Variants in NANOG observed in about 807,000 individuals in gnomAD.
The protein encoded by NANOG is homeobox protein NANOG.
Under a neutral mutation model 17.7 loss-of-function variants are expected in NANOG, and 2 were observed. The ratio of observed to expected loss-of-function variants is 0.11; its 90% CI spans 0.05 to 0.36. NANOG has a LOEUF of 0.36. Among genes scored for constraint, NANOG ranks in the 10% least tolerant of loss-of-function variants. The probability of loss-of-function intolerance (pLI) is 1.00; values close to 1 mark genes in which losing one functional copy is unlikely to be tolerated. For missense variants in NANOG, 174 were observed against 362.1 expected (o/e 0.48, Z 4.22); for synonymous variants, 81 against 124.7 (o/e 0.65, Z 2.33).
At position 7,789,553 on chromosome 12, in the gene NANOG, C is replaced by T. The variant is rs763180063; in HGVS notation, c.-62C>T. Reference sequence around the variant, plus strand: ...AACATCTTCCAGAAAAGTCTTAAAGCTGCCTTAACCTTTTTTCCAGTCCAC... The same window carrying T: ...AACATCTTCCAGAAAAGTCTTAAAGTTGCCTTAACCTTTTTTCCAGTCCAC... On this transcript the variant is annotated 5_prime_UTR_variant, in exon 1 of 4. Coordinates refer to ENST00000229307, the MANE Select transcript of NANOG (RefSeq NM_024865.4). 4 of 1,475,964 alleles carry T rather than the reference C, an allele frequency of 2.7e-6. No individual in the cohort carries two copies. The highest frequency in any genetic ancestry group is 2.3e-5 in the South Asian group (2 of 86,504). The allele number at this position is 1,475,964 out of a possible 1,614,324, so 91.4% of individuals were successfully genotyped here.
Position 7,789,522 on chromosome 12 carries a change from T to C in NANOG, c.-93T>C, listed in dbSNP as rs1862804478. 1 of 1,149,168 alleles carries C rather than the reference T, an allele frequency of 8.7e-7. No homozygotes were observed. The highest frequency in any genetic ancestry group is 1.3e-6 in the Non-Finnish European group (1 of 790,280). 71.2% of individuals were successfully genotyped at this position (1,149,168 alleles called of 1,614,324 possible). On this transcript the variant is annotated 5_prime_UTR_variant, in exon 1 of 4. Coordinates refer to ENST00000229307, the MANE Select transcript of NANOG (RefSeq NM_024865.4). ...ATACTTTTCCTTCTGGAGGTCCTATTTCTCTAACATCTTCCAGAAAAGTCT... is the reference window on the plus strand; with the variant it reads ...ATACTTTTCCTTCTGGAGGTCCTATCTCTCTAACATCTTCCAGAAAAGTCT...
At chr12:7,793,350 T>C in intron 2 of NANOG, 138 bp downstream of exon 2, 1 of 749,232 alleles carries the variant, frequency 1.3e-6, no homozygotes, top group East Asian at 2.7e-5. Context: ...GAAGATGAAA[T>C]GCTTTTGTAA....
At position 7,796,322 on chromosome 12, in the gene NANOG, A is replaced by G. The variant is rs1862929781; in HGVS notation, c.*1227A>G. The stretch of plus-strand genomic sequence containing the variant: ...AAATAAATAAGTAAATAAATGAATA[A>G]TAAATAAATATGCCAGTTTTAGAAT... On this transcript the variant is annotated 3_prime_UTR_variant, in exon 4 of 4. Coordinates refer to ENST00000229307, the MANE Select transcript of NANOG (RefSeq NM_024865.4). 1 of 146,168 alleles carries G rather than the reference A, an allele frequency of 6.8e-6. No homozygotes were observed. Among genetic ancestry groups the G allele is most frequent in the Non-Finnish European group, 1.5e-5 (1 of 67,380 alleles). 9.1% of individuals were successfully genotyped at this position (146,168 alleles called of 1,614,324 possible).
intron 2 of NANOG, among the ~76,000 whole-genome samples, chr12:7,793,965 C>G (rs986184657): frequency 1.3e-5 from 2 of 152,106 alleles, no homozygotes; most frequent in Non-Finnish European, 2.9e-5. Context: ...GGCTGGTTTT[C>G]AACTCCTGAC....
rs1197945044 is a variant in NANOG, at chr12:7,793,854, G to A, written c.415-603G>A. 3.3e-5 allele frequency among the ~76,000 whole-genome samples: 5 copies of A among 152,146 alleles called. No individual in the cohort carries two copies. In the East Asian group the frequency reaches 5.8e-4, roughly 18 times the overall value. The stretch of plus-strand genomic sequence containing the variant: ...CCTCCTGGGTTCAAGGGATTCTCCT[G>A]CCTCAGCCTCCCAAGTAGCTGGGAT... On this transcript the variant is annotated intron_variant, in intron 2 of 3. Coordinates refer to ENST00000229307, the MANE Select transcript of NANOG (RefSeq NM_024865.4).
At chr12:7,793,891 G>A (rs12423089) in intron 2 of NANOG, among the ~76,000 whole-genome samples, 74,748 of 151,416 alleles carry the variant, frequency 0.49, 19,926 homozygotes, top group Non-Finnish European at 0.58. Flanking sequence ...ACAGGCGCCC[G>A]CCACTACACC....
chr12:7,791,114 T>C (rs1272301140), intron 1 of NANOG, among the ~76,000 whole-genome samples: 6 of 37,984 alleles, frequency 1.6e-4, no homozygotes, highest in African/African-American at 1.0e-3. Context: ...TCTTTCTTTC[T>C]TTTTTTTTTT....
chr12:7,791,648 G>A (rs1370202018), intron 1 of NANOG, among the ~76,000 whole-genome samples: 1 of 152,080 alleles, frequency 6.6e-6, no homozygotes, highest in Non-Finnish European at 1.5e-5. Context: ...TGAACACTGG[G>A]AAAACCGCAG....
At chr12:7,794,631 T>C (rs1362778064) in intron 3 of NANOG, 48 bp from the exon 4 acceptor site, 1 of 1,611,004 alleles carries the variant, frequency 6.2e-7, no homozygotes, top group Non-Finnish European at 8.5e-7. Context: ...TCACAGACAG[T>C]TCTGGTTGTC....
chr12:7,795,420 C>A lies in NANOG; in HGVS notation c.*325C>A. 1 of 335,846 alleles carries A rather than the reference C, an allele frequency of 3.0e-6. No homozygotes were observed. The highest frequency in any genetic ancestry group is 5.6e-6 in the Non-Finnish European group (1 of 178,454). 20.8% of individuals were successfully genotyped at this position (335,846 alleles called of 1,614,324 possible). On this transcript the variant is annotated 3_prime_UTR_variant, in exon 4 of 4. Coordinates refer to ENST00000229307, the MANE Select transcript of NANOG (RefSeq NM_024865.4). ...CACTGCAAGCTCCGTCTCCCGGGTT[C>A]ACGCCATTCTCCTGCCTCAGCCTCC...
Position 7,793,010 on chromosome 12 carries a change from G to A in NANOG, c.212G>A (p.Ser71Asn), listed in dbSNP as rs199844601. Residue 71 changes from serine to asparagine, a missense_variant, in exon 2 of 4, where the codon AGT (serine) becomes AAT (asparagine). Physicochemically the swap from Ser to Asn is conservative, Grantham distance 46. This residue lies in a region of NANOG where 158 missense variants were observed against 244.2 expected (regional missense o/e 0.65). Coordinates refer to ENST00000229307, the MANE Select transcript of NANOG (RefSeq NM_024865.4). The part of the protein sequence containing the change: ...LIQDSPDSST[S>N]PKGKQPTSAE... Reference sequence around the variant, plus strand: ...CAGGACAGCCCTGATTCTTCCACCAGTCCCAAAGGCAAACAACCCACTTCT... The same window carrying A: ...CAGGACAGCCCTGATTCTTCCACCAATCCCAAAGGCAAACAACCCACTTCT... The A allele has an allele frequency of 1.1e-5, 18 of 1,609,174 alleles. No individual in the cohort carries two copies. Among genetic ancestry groups the A allele is most frequent in the African/African-American group, 2.7e-5 (2 of 74,766 alleles).
intron 2 of NANOG, among the ~76,000 whole-genome samples, chr12:7,794,044 C>A (rs904865209): frequency 6.6e-6 from 1 of 152,112 alleles, no homozygotes; most frequent in African/African-American, 2.4e-5. Context: ...CACACCCGGC[C>A]CTTGCCTTTA....
rs746955735 is a variant in NANOG, at chr12:7,797,828, T to A, written c.*2733T>A. ...ACCACCATGCCAGCTAACTTTTGTG[T>A]TTTTAGGAGAGACGGGGTTTCCCCA... On this transcript the variant is annotated 3_prime_UTR_variant, in exon 4 of 4. Coordinates refer to ENST00000229307, the MANE Select transcript of NANOG (RefSeq NM_024865.4). The A allele has an allele frequency of 7.2e-5, 11 of 152,214 alleles. No homozygotes were observed. The highest frequency in any genetic ancestry group is 2.4e-4 in the African/African-American group (10 of 41,526). 9.4% of individuals were successfully genotyped at this position (152,214 alleles called of 1,614,324 possible).
chr12:7,790,467 G>A (rs776038554), intron 1 of NANOG, among the ~76,000 whole-genome samples: 1 of 152,236 alleles, frequency 6.6e-6, no homozygotes, highest in South Asian at 2.1e-4. Context: ...TTCAAAACCT[G>A]TGCTAGTACT....
rs1565478881 is a variant in NANOG, at chr12:7,797,176, T to C, written c.*2081T>C. 6.6e-6 allele frequency: 1 copy of C among 152,210 alleles called. No individual in the cohort carries two copies. Among genetic ancestry groups the C allele is most frequent in the Non-Finnish European group, 1.5e-5 (1 of 68,130 alleles). 9.4% of individuals were successfully genotyped at this position (152,210 alleles called of 1,614,324 possible). A position where few individuals can be genotyped will look rare whatever the true frequency, so the allele number is the denominator to read the frequency against. ...TTCGAGCAATTCTCCTGCGTCAGCC[T>C]CCTAAGTAGCTGGGATTACAGGCAC... On this transcript the variant is annotated 3_prime_UTR_variant, in exon 4 of 4. Coordinates refer to ENST00000229307, the MANE Select transcript of NANOG (RefSeq NM_024865.4).
In NANOG at chr12:7,793,041, G is replaced by C; in HGVS notation, c.243G>C (p.Glu81Asp). 1.2e-6 allele frequency: 2 copies of C among 1,609,804 alleles called. No individual in the cohort carries two copies. Among genetic ancestry groups the C allele is most frequent in the African/African-American group, 2.7e-5 (2 of 74,938 alleles). Residue 81 changes from glutamate (E) to aspartate (D), a missense_variant, in exon 2 of 4, where the codon GAG becomes GAC. Glu to Asp is a conservative substitution (Grantham distance 45). Around this residue, in one of 2 missense-constraint regions of NANOG, gnomAD observed 158 missense variants for 244.2 expected, o/e 0.65. Coordinates refer to ENST00000229307, the MANE Select transcript of NANOG (RefSeq NM_024865.4). ...AAGGCAAACAACCCACTTCTGCAGA[G>C]AAGAGTGTCGCAAAAAAGGAAGACA... is the stretch of plus-strand genomic sequence containing the variant. ...SPKGKQPTSA[E>D]KSVAKKEDKV... is the part of the protein sequence containing the mutation.
In NANOG at chr12:7,795,672, T is replaced by C. The variant is rs961663922; in HGVS notation, c.*577T>C. 1 of 131,292 alleles carries C rather than the reference T, an allele frequency of 7.6e-6. No homozygotes were observed. Among genetic ancestry groups the C allele is most frequent in the Non-Finnish European group, 1.7e-5 (1 of 58,308 alleles). The allele number at this position is 131,292 out of a possible 1,614,324, so 8.1% of individuals were successfully genotyped here. ...GCTGCCGTCTCTGGCTATAGATAAG[T>C]AGATCTAATACTAGTTTGGATATCT... is the stretch of plus-strand genomic sequence containing the variant. On this transcript the variant is annotated 3_prime_UTR_variant, in exon 4 of 4. Transcript: ENST00000229307.
rs71038760 is a variant in NANOG at position 7,796,758 on chromosome 12, T to TTTTG, written c.*1667_*1670dup. 94,888 of 147,462 alleles carry TTTTG rather than the reference T, an allele frequency of 0.64. 33,513 individuals are homozygous for TTTTG. Among genetic ancestry groups the TTTTG allele is most frequent in the Non-Finnish European group, 0.79 (53,552 of 67,460 alleles). The allele number at this position is 147,462 out of a possible 1,614,324, so 9.1% of individuals were successfully genotyped here. ...TCCAGTCTAATTCCAAGTGTTTTTT[T>TTTTG]TTTGTTTTATTTTGTTTTTTTTTAA... On this transcript the variant is annotated 3_prime_UTR_variant, in exon 4 of 4. Transcript: ENST00000229307.
intron 1 of NANOG, among the ~76,000 whole-genome samples, chr12:7,790,878 G>C (rs1592116593): frequency 6.6e-6 from 1 of 151,996 alleles, no homozygotes; most frequent in South Asian, 2.1e-4. Context: ...CAACTACTAG[G>C]ACAAGAGGCG....
Sources: allele counts gnomAD v4.1 joint callset (sites outside exome capture counted in the v4.1 genomes callset), GRCh38; gene constraint gnomAD v4.1.1; regional missense constraint gnomAD v4.1.1; transcripts MANE v1.5; gene names NCBI Gene and HGNC (gene_info 2026-07-23, HGNC 2026-07-21).